PLA2G4B: variants seen among roughly 807,000 people sequenced by gnomAD.
PLA2G4B encodes phospholipase A2 group IVB, also known as cytosolic phospholipase A2 beta.
A neutral mutation model predicts 95.8 loss-of-function variants in PLA2G4B; 122 were observed. The observed-to-expected ratio is 1.27, with a 90% confidence interval of 1.10 to 1.48. The LOEUF is 1.48. Among genes scored for constraint, PLA2G4B ranks in the 40% most tolerant of loss-of-function variants. The pLI, the probability that PLA2G4B is intolerant of heterozygous loss-of-function variation, is 0.00. For synonymous variants in PLA2G4B, 518 were observed against 421.5 expected (o/e 1.23, Z -2.80); for missense variants, 1,158 against 996.2 (o/e 1.16, Z -2.19).
rs1003120616 is a variant in PLA2G4B, at chr15:41,841,289, C to T, written c.435+16C>T. ...CGTTCTGGTGGTGAGTGTGCCAGTG[C>T]TCTGGGAGGCGGTCTGGGGTCCCCG... On this transcript the variant is annotated intron_variant, in intron 6 of 19. Transcript: ENST00000458483. The T allele has an allele frequency of 3.7e-6, 6 of 1,612,122 alleles. No individual in the cohort carries two copies. In the African/African-American group the frequency reaches 4.0e-5, roughly 11 times the overall value.
chr15:41,844,773 A>G (rs868006794), intron 12 of PLA2G4B, 75 bp from the exon 13 acceptor site: 1 of 1,538,258 alleles, frequency 6.5e-7, no homozygotes, highest in Non-Finnish European at 8.8e-7. Flanking sequence ...ATTGTCCTAG[A>G]AAGCCCGGGG....
intron 10 of PLA2G4B, 159 bp downstream of exon 10, chr15:41,842,750 G>A: frequency 8.7e-7 from 1 of 1,154,212 alleles, no homozygotes; most frequent in East Asian, 2.6e-5. Flanking sequence ...GAAGTACTGG[G>A]AGGAGTACTG....
At chr15:41,846,576 G>C in intron 17 of PLA2G4B, 93 bp from the exon 18 acceptor site, 2 of 1,525,626 alleles carry the variant, frequency 1.3e-6, no homozygotes, top group South Asian at 2.5e-5. Context: ...GGTTCAGCAG[G>C]AGAGCAGGGA....
Position 41,845,783 on chromosome 15 carries a change from G to T in PLA2G4B, c.1495+8G>T. The T allele has an allele frequency of 6.3e-7, 1 of 1,585,770 alleles. No homozygotes were observed. Among genetic ancestry groups the T allele is most frequent in the Non-Finnish European group, 8.6e-7 (1 of 1,165,216 alleles). On this transcript the variant is annotated splice_region_variant and intron_variant, in intron 15 of 19. Transcript: ENST00000458483. ...GCATCTGCTTCTTAGAAGGTGAGGG[G>T]CACTGGCAGGCTGGGGAAGCTGGGC...
rs753014775 is a variant in PLA2G4B at position 41,846,378 on chromosome 15, G to GT, written c.1776_1777insT (p.Lys593Ter). ...TTCAGCATCCTCACTTCTCCACATG[G>GT]AAAGGTACCTGCTTCTCTCCAAAGT... On this transcript the variant is annotated frameshift_variant, in exon 17 of 20. Transcript: ENST00000458483. LOFTEE classifies it high-confidence loss of function. The GT allele has an allele frequency of 3.4e-5, 54 of 1,604,100 alleles. No homozygotes were observed. Among genetic ancestry groups the GT allele is most frequent in the Non-Finnish European group, 4.4e-5 (52 of 1,171,760 alleles).
rs781514169 is a variant in PLA2G4B at position 41,847,510 on chromosome 15, G to A, written c.2121G>A (p.Glu707=). 1.2e-6 allele frequency: 2 copies of A among 1,605,380 alleles called. No homozygotes were observed. Among genetic ancestry groups the A allele is most frequent in the East Asian group, 4.5e-5 (2 of 44,652 alleles). The change falls in exon 19 of 20, where the codon GAG becomes GAA. Residue 707 remains glutamate, a synonymous_variant. Transcript: ENST00000458483. ...HFPLVSDSFR[E]YSAPGVRRTP... The stretch of plus-strand genomic sequence containing the variant: ...CTCTGGTCAGCGACTCCTTCCGGGA[G>A]TACTCGGCCCCTGGTGAGCTGCTGT...
chr15:41,847,623 C>T (rs746944578), intron 19 of PLA2G4B, 26 bp from the exon 20 acceptor site: 3 of 1,613,508 alleles, frequency 1.9e-6, no homozygotes, highest in South Asian at 2.2e-5. Context: ...ACGTGTTCCC[C>T]ATGCCAGGCT....
At position 41,847,855 on chromosome 15, in the gene PLA2G4B, C is replaced by A. The variant is rs764194925; in HGVS notation, c.2341C>A (p.His781Asn). 6 of 1,612,086 alleles carry A rather than the reference C, an allele frequency of 3.7e-6. No individual in the cohort carries two copies. Among genetic ancestry groups the A allele is most frequent in the Admixed American group, 3.3e-5 (2 of 59,946 alleles). Residue 781 changes from histidine to asparagine, a missense_variant, in exon 20 of 20, where the codon CAC (histidine) becomes AAC (asparagine). Transcript: ENST00000458483. ...GCAGCGGAGGCGGCAGCGCAGGCCCCACTGATGGCCGGGGCCCCTGCCACC... is the reference window on the plus strand; with the variant it reads ...GCAGCGGAGGCGGCAGCGCAGGCCCAACTGATGGCCGGGGCCCCTGCCACC... Reference protein sequence around the residue: ...AVQRRRQRRPH With the variant: ...AVQRRRQRRPN
In PLA2G4B at chr15:41,847,840, CG is replaced by C; in HGVS notation, c.2328del (p.Gln777SerfsTer14). The C allele has an allele frequency of 6.2e-7, 1 of 1,612,814 alleles. No individual in the cohort carries two copies. The highest frequency in any genetic ancestry group is 1.1e-5 in the South Asian group (1 of 91,068). On this transcript the variant is annotated frameshift_variant, in exon 20 of 20. Transcript: ENST00000458483. LOFTEE classifies it high-confidence loss of function. Reference sequence around the variant, plus strand: ...TCTGCGCCAGGCAGTGCAGCGGAGGCGGCAGCGCAGGCCCCACTGATGGCCG... The same window carrying C: ...TCTGCGCCAGGCAGTGCAGCGGAGGCGCAGCGCAGGCCCCACTGATGGCCG... ...EALRQAVQRR[R>X]QRRPH is the part of the protein sequence containing the mutation.
Position 41,848,139 on chromosome 15 carries a change from A to G in PLA2G4B, c.*279A>G, listed in dbSNP as rs997201584. 2 of 565,118 alleles carry G rather than the reference A, an allele frequency of 3.5e-6. No homozygotes were observed. The highest frequency in any genetic ancestry group is 3.1e-5 in the Admixed American group (1 of 32,018). 35.0% of individuals were successfully genotyped at this position (565,118 alleles called of 1,614,324 possible). On this transcript the variant is annotated 3_prime_UTR_variant, in exon 20 of 20. Coordinates refer to ENST00000458483, the MANE Select transcript of PLA2G4B (RefSeq NM_001114633.2). ...AGCACTTGATACATCACAGACTCAT[A>G]CAAATGTGAGGCGCTGAGACCATCT...
intron 16 of PLA2G4B, 38 bp downstream of exon 16, chr15:41,846,085 C>T: frequency 1.3e-6 from 2 of 1,570,528 alleles, no homozygotes; most frequent in Non-Finnish European, 8.7e-7. Flanking sequence ...TGCCAAGGGG[C>T]AGCCAGCTGG....
chr15:41,846,906 A>T, intron 18 of PLA2G4B, 71 bp downstream of exon 18: 2 of 1,495,736 alleles, frequency 1.3e-6, no homozygotes, highest in Non-Finnish European at 1.8e-6. Flanking sequence ...GGGGCTTTGG[A>T]GTCCAGTGTC....
chr15:41,844,811 G>A, intron 12 of PLA2G4B, 37 bp from the exon 13 acceptor site: 1 of 1,570,756 alleles, frequency 6.4e-7, no homozygotes, highest in East Asian at 2.3e-5. Flanking sequence ...GGGTCCTTCA[G>A]TGACAGCCCT....
chr15:41,846,798 T>G lies in PLA2G4B; in HGVS notation c.1910T>G (p.Ile637Ser), dbSNP rs1252887902. 4 of 1,613,676 alleles carry G rather than the reference T, an allele frequency of 2.5e-6. No homozygotes were observed. The highest frequency in any genetic ancestry group is 3.4e-6 in the Non-Finnish European group (4 of 1,179,764). ...LLQPTRDVDL[I>S]LSLDYNLHGA... ...CAGCCCACTCGGGACGTGGACCTCA[T>G]CCTGTCATTGGACTACAACCTCCAC... Residue 637 changes from isoleucine to serine, a missense_variant, in exon 18 of 20, where the codon ATC (isoleucine) becomes AGC (serine). Ile to Ser is a moderately radical substitution (Grantham distance 142). Coordinates refer to ENST00000458483, the MANE Select transcript of PLA2G4B (RefSeq NM_001114633.2).
rs371380613 is a variant in PLA2G4B at position 41,846,138 on chromosome 15, A to G, written c.1601-65A>G. 23 of 1,590,008 alleles carry G rather than the reference A, an allele frequency of 1.4e-5. No homozygotes were observed. In the East Asian group the frequency reaches 2.7e-4, roughly 19 times the overall value. ...GGGGGTTCACACCTCTTCCCCCTCCAGGGTCACCACCAAGGTGGGGATAAA... is the reference window on the plus strand; with the variant it reads ...GGGGGTTCACACCTCTTCCCCCTCCGGGGTCACCACCAAGGTGGGGATAAA... On this transcript the variant is annotated intron_variant, in intron 16 of 19. Coordinates refer to ENST00000458483, the MANE Select transcript of PLA2G4B (RefSeq NM_001114633.2).
chr15:41,840,210 G>A lies in PLA2G4B; in HGVS notation c.62G>A (p.Arg21His), dbSNP rs569293395. ...LLTVRVLQAH[R>H]LPSKDLVTPS... ...ACGGTTCGTGTCCTGCAGGCCCATC[G>A]CCTACCCTCTAAGGACCTAGGTGAG... Residue 21 changes from arginine to histidine, a missense_variant, in exon 2 of 20, where the codon CGC (arginine) becomes CAC (histidine). Arg to His is a conservative substitution (Grantham distance 29, BLOSUM62 0). Coordinates refer to ENST00000458483, the MANE Select transcript of PLA2G4B (RefSeq NM_001114633.2). The A allele has an allele frequency of 1.4e-5, 22 of 1,613,198 alleles. No individual in the cohort carries two copies. Among genetic ancestry groups the A allele is most frequent in the African/African-American group, 1.1e-4 (8 of 75,036 alleles).
chr15:41,846,919 G>T, intron 18 of PLA2G4B, 84 bp downstream of exon 18: 1 of 1,462,288 alleles, frequency 6.8e-7, no homozygotes, highest in Non-Finnish European at 9.2e-7. Context: ...CCAGTGTCTG[G>T]TTCAGCTTCC....
At chr15:41,844,395 C>T (rs1476626057) in intron 11 of PLA2G4B, 76 bp from the exon 12 acceptor site, 1 of 1,607,050 alleles carries the variant, frequency 6.2e-7, no homozygotes. Flanking sequence ...GCCACTTGAC[C>T]TGCTACCTCT....
chr15:41,846,558 G>A, intron 17 of PLA2G4B, 111 bp from the exon 18 acceptor site: 1 of 1,514,318 alleles, frequency 6.6e-7, no homozygotes, highest in Non-Finnish European at 8.9e-7. Flanking sequence ...CAGGGCTGTG[G>A]GGGTGTTGGT....
Sources: gnomAD v4.1 joint callset for allele counts on GRCh38, gnomAD v4.1.1 for gene constraint, MANE v1.5 for transcripts, NCBI Gene and HGNC (gene_info 2026-07-23, HGNC 2026-07-21) for gene names.